Variants in VAV3 observed in about 807,000 individuals in gnomAD.
The protein encoded by VAV3 is guanine nucleotide exchange factor VAV3.
VAV3 carries 94 observed loss-of-function variants against 131.2 expected under a neutral mutation model. The ratio of observed to expected loss-of-function variants is 0.72; its 90% CI spans 0.61 to 0.85. The LOEUF is 0.85. Ranked by LOEUF, VAV3 falls within the 40% of genes least tolerant of loss-of-function variation. The probability of loss-of-function intolerance (pLI) is 0.00; values close to 1 mark genes in which losing one functional copy is unlikely to be tolerated. For missense variants in VAV3, 939 were observed against 1,002.7 expected (o/e 0.94, Z 0.86); for synonymous variants, 349 against 342.0 (o/e 1.02, Z -0.22).
At chr1:107,575,838 A>T (rs533292022) in intron 25 of VAV3, among the ~76,000 whole-genome samples, 20 of 152,294 alleles carry the variant, frequency 1.3e-4, no homozygotes, top group Admixed American at 7.8e-4. Flanking sequence ...ACTTTATCTA[A>T]TGTATACCCT....
chr1:107,656,503 T>C (rs1358781315), intron 19 of VAV3, among the ~76,000 whole-genome samples: 1 of 152,096 alleles, frequency 6.6e-6, no homozygotes, highest in East Asian at 1.9e-4. Flanking sequence ...TGGGTACAAA[T>C]ATATACTTAG....
intron 19 of VAV3, among the ~76,000 whole-genome samples, chr1:107,661,252 G>A (rs1169947459): frequency 1.3e-5 from 2 of 151,566 alleles, no homozygotes; most frequent in Admixed American, 1.3e-4. Context: ...CTCCTTCACG[G>A]GGCAGCTCTG....
chr1:107,637,971 T>C (rs1472549707), intron 20 of VAV3, among the ~76,000 whole-genome samples: 1 of 152,222 alleles, frequency 6.6e-6, no homozygotes, highest in Non-Finnish European at 1.5e-5. Context: ...TATCATCATT[T>C]CAATGGATGC....
chr1:107,725,698 G>C (rs536505121), intron 15 of VAV3, among the ~76,000 whole-genome samples: 1 of 152,160 alleles, frequency 6.6e-6, no homozygotes, highest in East Asian at 1.9e-4. Context: ...ATTTTTAGTA[G>C]AGATGGGTTT....
At chr1:107,947,731 G>C (rs1268539182) in intron 1 of VAV3, among the ~76,000 whole-genome samples, 1 of 152,030 alleles carries the variant, frequency 6.6e-6, no homozygotes, top group African/African-American at 2.4e-5. Flanking sequence ...CAGAACTACT[G>C]GCAGAATATT....
At chr1:107,903,584 C>G (rs1247455763) in intron 1 of VAV3, among the ~76,000 whole-genome samples, 1 of 152,114 alleles carries the variant, frequency 6.6e-6, no homozygotes, top group Non-Finnish European at 1.5e-5. Flanking sequence ...GTGGCAAAGA[C>G]AGTAATAAGG....
At chr1:107,828,696 T>A (rs1341065900) in intron 2 of VAV3, among the ~76,000 whole-genome samples, 1 of 152,186 alleles carries the variant, frequency 6.6e-6, no homozygotes, top group Non-Finnish European at 1.5e-5. Context: ...TGGAAAAGGT[T>A]CTCTGCTTTT....
chr1:107,671,811 TTAAG>T (rs1373241219), intron 19 of VAV3, among the ~76,000 whole-genome samples: 1 of 152,172 alleles, frequency 6.6e-6, no homozygotes, highest in African/African-American at 2.4e-5. Flanking sequence ...TATTTCAATA[TTAAG>T]TATTTATATT....
intron 19 of VAV3, among the ~76,000 whole-genome samples, chr1:107,662,356 C>T (rs1165666516): frequency 1.3e-5 from 2 of 152,056 alleles, no homozygotes; most frequent in African/African-American, 4.8e-5. Flanking sequence ...AATACTGTCT[C>T]AATTTTTACT....
At chr1:107,703,588 G>A (rs1313962051) in intron 17 of VAV3, among the ~76,000 whole-genome samples, 1 of 152,216 alleles carries the variant, frequency 6.6e-6, no homozygotes, top group Non-Finnish European at 1.5e-5. Flanking sequence ...TATGATCTCA[G>A]TCGTCTAATA....
chr1:107,685,190 A>G (rs1177938224), intron 18 of VAV3, among the ~76,000 whole-genome samples: 2 of 152,228 alleles, frequency 1.3e-5, no homozygotes, highest in Admixed American at 1.3e-4. Flanking sequence ...GTGTTCTTAC[A>G]CCTTGAATTT....
intron 1 of VAV3, among the ~76,000 whole-genome samples, chr1:107,885,942 A>G (rs969726974): frequency 5.3e-5 from 8 of 152,216 alleles, no homozygotes; most frequent in African/African-American, 1.9e-4. Context: ...AGGACATGTC[A>G]ATCCCACTAG....
chr1:107,834,925 CT>C (rs1668404641), intron 2 of VAV3, among the ~76,000 whole-genome samples: 1 of 152,126 alleles, frequency 6.6e-6, no homozygotes, highest in Non-Finnish European at 1.5e-5. Flanking sequence ...CCCCCACAGG[CT>C]TCTGAACTGA....
At chr1:107,636,749 C>T (rs1208934105) in intron 20 of VAV3, among the ~76,000 whole-genome samples, 3 of 152,080 alleles carry the variant, frequency 2.0e-5, no homozygotes, top group African/African-American at 7.2e-5. Flanking sequence ...ATCATTAAAT[C>T]AAACCATCAT....
At chr1:107,676,200 T>C (rs1658198524) in intron 19 of VAV3, among the ~76,000 whole-genome samples, 1 of 152,200 alleles carries the variant, frequency 6.6e-6, no homozygotes, top group African/African-American at 2.4e-5. Context: ...ACAAGCTAGT[T>C]CAATCCCACT....
At chr1:107,876,730 T>G (rs924730442) in intron 1 of VAV3, among the ~76,000 whole-genome samples, 36 of 152,078 alleles carry the variant, frequency 2.4e-4, no homozygotes, top group Non-Finnish European at 5.0e-4. Flanking sequence ...ACACATACCC[T>G]AACTGCAGTG....
At chr1:107,888,937 AT>A (rs1671173627) in intron 1 of VAV3, among the ~76,000 whole-genome samples, 7 of 152,164 alleles carry the variant, frequency 4.6e-5, no homozygotes, top group Admixed American at 4.6e-4. Context: ...AGATAGGCCC[AT>A]CTACATTTTA....
At position 107,642,643 on chromosome 1, in the gene VAV3, T is replaced by A; in HGVS notation, c.1890A>T (p.Gly630=). ...CCTGCCAAAACAGACTGTGTGCATC[T>A]CCTTTCAGAAGTTCAACGGTATCCC... ...QAGDTVELLK[G]DAHSLFWQGR... Residue 630 remains glycine, a synonymous_variant, in exon 20 of 27, where the codon GGA becomes GGT. Transcript: ENST00000370056. The A allele has an allele frequency of 6.2e-7, 1 of 1,613,210 alleles. No individual in the cohort carries two copies. Among genetic ancestry groups the A allele is most frequent in the South Asian group, 1.1e-5 (1 of 91,014 alleles).
Position 107,651,537 on chromosome 1 carries a change from TAAGG to T in VAV3, c.1778-8786_1778-8783del, listed in dbSNP as rs541401397. 3.9e-3 allele frequency among the ~76,000 whole-genome samples: 234 copies of T among 59,660 alleles called. 1 individual carries two copies. Among genetic ancestry groups the T allele is most frequent in the African/African-American group, 0.016 (221 of 13,878 alleles). The allele number at this position is 59,660 out of a possible 152,430, so 39.1% of individuals were successfully genotyped here. ...TTCAAAAAGGAAGGAAGAAACAAAGTAAGGAAGGGAGGGAGGGAGGGAGGGAGGG... is the reference window on the plus strand; with the variant it reads ...TTCAAAAAGGAAGGAAGAAACAAAGTAAGGGAGGGAGGGAGGGAGGGAGGG... On this transcript the variant is annotated intron_variant, in intron 19 of 26. Coordinates refer to ENST00000370056, the MANE Select transcript of VAV3 (RefSeq NM_006113.5).
Sources: allele counts gnomAD v4.1 joint callset (sites outside exome capture counted in the v4.1 genomes callset), GRCh38; gene constraint gnomAD v4.1.1; transcripts MANE v1.5; gene names NCBI Gene and HGNC (gene_info 2026-07-23, HGNC 2026-07-21).